DOCK4: variants seen among roughly 807,000 people sequenced by gnomAD.
The protein encoded by DOCK4 is dedicator of cytokinesis protein 4.
In DOCK4, 97 loss-of-function variants were observed where a neutral mutation model predicts 268.1. The ratio of observed to expected loss-of-function variants is 0.36; its 90% CI spans 0.31 to 0.43. The LOEUF is 0.43. Ranked by LOEUF, DOCK4 falls within the 20% of genes least tolerant of loss-of-function variation. The pLI, the probability that DOCK4 is intolerant of heterozygous loss-of-function variation, is 1.00. For synonymous variants in DOCK4, 954 were observed against 887.2 expected, an observed-to-expected ratio of 1.08 and a Z score of -1.34; for missense variants, 2,145 against 2,455.7, an observed-to-expected ratio of 0.87 and a Z score of 2.67.
intron 1 of DOCK4, among the ~76,000 whole-genome samples, chr7:112,187,118 G>A (rs540863408): frequency 8.6e-5 from 13 of 151,822 alleles, no homozygotes; most frequent in South Asian, 2.1e-4. Flanking sequence ...AAATGCAATC[G>A]CCCAAATAAA....
chr7:111,832,287 G>A (rs1802882506), intron 26 of DOCK4, among the ~76,000 whole-genome samples: 1 of 152,038 alleles, frequency 6.6e-6, no homozygotes, highest in South Asian at 2.1e-4. Flanking sequence ...CTTGAGTCTG[G>A]GTTGGCAGCA....
chr7:112,114,009 T>C (rs886679662), intron 1 of DOCK4, among the ~76,000 whole-genome samples: 9 of 152,142 alleles, frequency 5.9e-5, no homozygotes, highest in African/African-American at 2.2e-4. Flanking sequence ...TTGAATTCCT[T>C]GTTTCTTTAA....
chr7:112,159,885 T>C (rs962478217), intron 1 of DOCK4, among the ~76,000 whole-genome samples: 2 of 147,500 alleles, frequency 1.4e-5, no homozygotes, highest in Non-Finnish European at 3.0e-5. Context: ...CATATATATA[T>C]ACACACATAA....
intron 27 of DOCK4, among the ~76,000 whole-genome samples, chr7:111,814,582 A>G (rs1801400565): frequency 6.6e-6 from 1 of 152,178 alleles, no homozygotes; most frequent in African/African-American, 2.4e-5. Flanking sequence ...GAGATTCTGC[A>G]CTTCTAACAA....
chr7:111,742,223 G>T, intron 44 of DOCK4, 91 bp from the exon 45 acceptor site: 3 of 1,307,198 alleles, frequency 2.3e-6, no homozygotes, highest in Middle Eastern at 2.0e-4. Context: ...TACGCATTTC[G>T]CTTGCATTAT....
At chr7:111,833,265 G>T (rs772709986) in intron 26 of DOCK4, among the ~76,000 whole-genome samples, 26 of 152,272 alleles carry the variant, frequency 1.7e-4, no homozygotes, top group Middle Eastern at 3.4e-3. Context: ...TGTAAGGCCA[G>T]GCATGGTGGC....
intron 1 of DOCK4, among the ~76,000 whole-genome samples, chr7:112,185,199 G>C (rs752822660): frequency 5.3e-5 from 8 of 152,222 alleles, no homozygotes; most frequent in Non-Finnish European, 7.3e-5. Flanking sequence ...TGAAGTGCAG[G>C]CTGCATGCTG....
intron 39 of DOCK4, among the ~76,000 whole-genome samples, chr7:111,763,912 T>C (rs573199720): frequency 4.5e-4 from 69 of 152,332 alleles, no homozygotes; most frequent in African/African-American, 1.7e-3. Context: ...CAGAGTGGTC[T>C]GGAACTGTGC....
intron 12 of DOCK4, among the ~76,000 whole-genome samples, chr7:111,921,977 T>C (rs1351957246): frequency 6.6e-6 from 1 of 152,242 alleles, no homozygotes; most frequent in African/African-American, 2.4e-5. Context: ...AAGGCAAATA[T>C]GTCTGTATAT....
intron 15 of DOCK4, among the ~76,000 whole-genome samples, chr7:111,899,581 C>T (rs1428562728): frequency 6.6e-6 from 1 of 152,136 alleles, no homozygotes; most frequent in Admixed American, 6.5e-5. Context: ...GATAGCAATG[C>T]CCATGTGGAC....
At chr7:111,790,855 G>A (rs1191906231) in intron 30 of DOCK4, among the ~76,000 whole-genome samples, 1 of 151,504 alleles carries the variant, frequency 6.6e-6, no homozygotes, top group African/African-American at 2.4e-5. Flanking sequence ...TCAGGAGATC[G>A]AGACCATCCT....
intron 1 of DOCK4, among the ~76,000 whole-genome samples, chr7:112,201,695 A>C (rs1415161775): frequency 6.6e-6 from 1 of 152,120 alleles, no homozygotes; most frequent in Non-Finnish European, 1.5e-5. Flanking sequence ...ACAGATGAGG[A>C]CATGCAGGAG....
intron 32 of DOCK4, among the ~76,000 whole-genome samples, chr7:111,786,714 T>C (rs1018547301): frequency 6.6e-6 from 1 of 152,222 alleles, no homozygotes; most frequent in Admixed American, 6.5e-5. Flanking sequence ...TGAGAATTTG[T>C]ACCATATAAC....
intron 34 of DOCK4, 103 bp downstream of exon 34, chr7:111,783,754 A>G (rs890979050): frequency 9.7e-6 from 10 of 1,033,240 alleles, no homozygotes; most frequent in Admixed American, 8.6e-5. Context: ...CTGATAATCA[A>G]TTGAGTGATT....
chr7:112,037,250 A>G (rs1803886523), intron 1 of DOCK4, among the ~76,000 whole-genome samples: 1 of 151,768 alleles, frequency 6.6e-6, no homozygotes, highest in African/African-American at 2.4e-5. Context: ...AGGCTAGGCT[A>G]AGATAAGATG....
intron 1 of DOCK4, among the ~76,000 whole-genome samples, chr7:112,163,726 A>G (rs926588674): frequency 2.8e-4 from 42 of 152,176 alleles, no homozygotes; most frequent in African/African-American, 1.0e-3. Flanking sequence ...GAAGAAACTA[A>G]GGCTTAGAGA....
At chr7:111,808,935 T>A (rs867491575) in intron 29 of DOCK4, 56 bp from the exon 30 acceptor site, 2 of 1,560,944 alleles carry the variant, frequency 1.3e-6, no homozygotes, top group African/African-American at 2.7e-5. Flanking sequence ...AAGGAAGTAT[T>A]TGTGTGTCTT....
At chr7:111,849,671 T>A (rs1013747900) in intron 23 of DOCK4, among the ~76,000 whole-genome samples, 1 of 152,188 alleles carries the variant, frequency 6.6e-6, no homozygotes, top group African/African-American at 2.4e-5. Flanking sequence ...AAAATCTCTG[T>A]ATGCCTAGGC....
intron 30 of DOCK4, among the ~76,000 whole-genome samples, chr7:111,797,808 G>A (rs544279840): frequency 1.3e-5 from 2 of 152,258 alleles, no homozygotes; most frequent in South Asian, 4.2e-4. Context: ...AAAAGGCTGA[G>A]AAAGACGCTA....
Sources: gnomAD v4.1 joint callset for allele counts (sites outside exome capture counted in the v4.1 genomes callset) on GRCh38, gnomAD v4.1.1 for gene constraint, MANE v1.5 for transcripts, NCBI Gene and HGNC (gene_info 2026-07-23, HGNC 2026-07-21) for gene names.